CNTN4: variants seen among roughly 807,000 people sequenced by gnomAD.
CNTN4 encodes contactin 4.
In CNTN4, 77 loss-of-function variants were observed where a neutral mutation model predicts 122.5. The ratio of observed to expected loss-of-function variants is 0.63; its 90% CI spans 0.52 to 0.76. CNTN4 has a LOEUF of 0.76. Among genes scored for constraint, CNTN4 ranks in the 30% least tolerant of loss-of-function variants. The pLI is 0.00. For missense variants in CNTN4, 1,256 were observed against 1,259.1 expected (o/e 1.00, Z 0.04); for synonymous variants, 512 against 447.0 (o/e 1.15, Z -1.83).
Position 2,866,684 on chromosome 3 carries a change from C to T in CNTN4, c.455-68C>T. On this transcript the variant is annotated intron_variant, in intron 7 of 24. Transcript: ENST00000418658. The stretch of plus-strand genomic sequence containing the variant: ...GTATACATTTTTAACCTGATCATTT[C>T]TTTCATGAAAACAGTAGAGTTCCAG... 9.0e-6 allele frequency: 13 copies of T among 1,442,522 alleles called. No individual in the cohort carries two copies. The South Asian group carries it at 1.1e-4, about 13-fold the overall frequency. 89.4% of individuals were successfully genotyped at this position (1,442,522 alleles called of 1,614,324 possible).
chr3:2,809,093 A>G (rs1407767461), intron 6 of CNTN4, among the ~76,000 whole-genome samples: 1 of 152,208 alleles, frequency 6.6e-6, no homozygotes, highest in African/African-American at 2.4e-5. Context: ...GTGAGCTTTT[A>G]TTTGGGGAGG....
At chr3:2,673,018 GTTTCCAAAATAT>G (rs1375252976) in intron 4 of CNTN4, among the ~76,000 whole-genome samples, 1 of 152,114 alleles carries the variant, frequency 6.6e-6, no homozygotes. Context: ...CTACTTACCG[GTTTCCAAAATAT>G]TTTTGTACTT....
At chr3:2,924,399 G>T (rs1379118223) in intron 12 of CNTN4, among the ~76,000 whole-genome samples, 1 of 151,604 alleles carries the variant, frequency 6.6e-6, no homozygotes, top group African/African-American at 2.4e-5. Flanking sequence ...ATTCAACATG[G>T]TCTTAAATAT....
chr3:2,889,063 G>A (rs79871405), intron 10 of CNTN4, among the ~76,000 whole-genome samples: 2,350 of 151,542 alleles, frequency 0.016, 77 homozygotes, highest in African/African-American at 0.054. Flanking sequence ...AAGGAAGGAA[G>A]GAATAAAAGA....
intron 2 of CNTN4, among the ~76,000 whole-genome samples, chr3:2,224,743 C>G (rs1038689190): frequency 2.0e-5 from 3 of 152,174 alleles, no homozygotes; most frequent in Admixed American, 2.0e-4. Flanking sequence ...TAAAGTACAT[C>G]CTGTCAGCTC....
chr3:2,907,983 G>A (rs957709853), intron 12 of CNTN4, among the ~76,000 whole-genome samples: 3 of 152,148 alleles, frequency 2.0e-5, no homozygotes, highest in African/African-American at 7.2e-5. Flanking sequence ...ATGACAATTG[G>A]CAGTTTATTT....
intron 6 of CNTN4, among the ~76,000 whole-genome samples, chr3:2,769,191 C>T (rs186973750): frequency 1.1e-4 from 17 of 152,212 alleles, no homozygotes; most frequent in African/African-American, 2.9e-4. Flanking sequence ...TGGCCAGGCA[C>T]GGTGGCTCAC....
In CNTN4 at chr3:2,310,693, G is replaced by A. The variant is rs546922532; in HGVS notation, c.-144-28485G>A. Among the ~76,000 whole-genome samples the A allele has an allele frequency of 1.1e-3, 166 of 152,136 alleles. 2 individuals are homozygous for A. The highest frequency in any genetic ancestry group is 0.01 in the Middle Eastern group (3 of 294). Reference sequence around the variant, plus strand: ...ATATCGAGCACCTGTGAGACTTCAGGTGTTGTTTGATAGTTTAACTAAAAT... The same window carrying A: ...ATATCGAGCACCTGTGAGACTTCAGATGTTGTTTGATAGTTTAACTAAAAT... On this transcript the variant is annotated intron_variant, in intron 2 of 24. Coordinates refer to ENST00000418658, the MANE Select transcript of CNTN4 (RefSeq NM_175607.3).
At position 2,580,640 on chromosome 3, in the gene CNTN4, A is replaced by G. The variant is rs1247063110; in HGVS notation, c.55+9082A>G. Among the ~76,000 whole-genome samples, 7 of 152,286 alleles carry G rather than the reference A, an allele frequency of 4.6e-5. No homozygotes were observed. The South Asian group carries it at 8.3e-4, about 18-fold the overall frequency. ...GTTGGATGATGTAGCCCCACTTAAT[A>G]ATGACCTTAATTCATTTAGTCCTTG... is the stretch of plus-strand genomic sequence containing the variant. On this transcript the variant is annotated intron_variant, in intron 4 of 24. Transcript: ENST00000418658.
At position 2,745,513 on chromosome 3, in the gene CNTN4, A is replaced by G. The variant is rs1470160776; in HGVS notation, c.183-9A>G. ...CAAGACTTTATCTACTGGCATTTTT[A>G]TACTATAGGTGGAAGTTAAATGGAA... On this transcript the variant is annotated splice_polypyrimidine_tract_variant and intron_variant, in intron 5 of 24. Coordinates refer to ENST00000418658, the MANE Select transcript of CNTN4 (RefSeq NM_175607.3). 3 of 1,611,116 alleles carry G rather than the reference A, an allele frequency of 1.9e-6. No individual in the cohort carries two copies. The highest frequency in any genetic ancestry group is 1.7e-5 in the Admixed American group (1 of 60,018).
At chr3:2,798,137 G>C (rs151253069) in intron 6 of CNTN4, among the ~76,000 whole-genome samples, 1 of 146,882 alleles carries the variant, frequency 6.8e-6, no homozygotes, top group Non-Finnish European at 1.5e-5. Context: ...ATGTACACAC[G>C]TTTTAGCTCT....
intron 13 of CNTN4, among the ~76,000 whole-genome samples, chr3:2,939,211 T>A (rs1356288436): frequency 6.6e-6 from 1 of 152,194 alleles, no homozygotes; most frequent in South Asian, 2.1e-4. Flanking sequence ...TGTTTCTAAA[T>A]CCCTTTTGCC....
intron 2 of CNTN4, among the ~76,000 whole-genome samples, chr3:2,245,837 T>C (rs990067513): frequency 6.6e-6 from 1 of 152,106 alleles, no homozygotes; most frequent in Non-Finnish European, 1.5e-5. Flanking sequence ...TGTCTAGCTC[T>C]GCTGAAGTTT....
intron 3 of CNTN4, among the ~76,000 whole-genome samples, chr3:2,518,514 T>C (rs2077105081): frequency 6.6e-6 from 1 of 152,142 alleles, no homozygotes; most frequent in Admixed American, 6.6e-5. Context: ...ACAGTTCTTC[T>C]AATATATCTG....
chr3:2,486,099 C>T lies in CNTN4; in HGVS notation c.-88-85317C>T, dbSNP rs545829444. Among the ~76,000 whole-genome samples the T allele has an allele frequency of 1.2e-3, 185 of 152,174 alleles. 1 individual carries two copies. The highest frequency in any genetic ancestry group is 4.4e-3 in the African/African-American group (182 of 41,500). On this transcript the variant is annotated intron_variant, in intron 3 of 24. Coordinates refer to ENST00000418658, the MANE Select transcript of CNTN4 (RefSeq NM_175607.3). ...TTCTCTCCTGAGGCCAGCCAGACCA[C>T]GAACCCACTGGGAGGAACAACAACT...
intron 6 of CNTN4, among the ~76,000 whole-genome samples, chr3:2,748,803 A>G (rs2089937547): frequency 6.6e-6 from 1 of 152,204 alleles, no homozygotes; most frequent in African/African-American, 2.4e-5. Flanking sequence ...GTAATCTTTT[A>G]AAAAATGTAA....
At chr3:2,791,558 G>C (rs1383276968) in intron 6 of CNTN4, among the ~76,000 whole-genome samples, 1 of 151,700 alleles carries the variant, frequency 6.6e-6, no homozygotes, top group African/African-American at 2.4e-5. Context: ...TTTAGAAACT[G>C]AGCTCTATAC....
At position 3,056,209 on chromosome 3, in the gene CNTN4, T is replaced by A. The variant is rs1201512711; in HGVS notation, c.3070T>A (p.Ser1024Thr). The change falls in exon 25 of 25, where the codon TCC (serine) becomes ACC (threonine). Residue 1024 changes from serine (S) to threonine (T), a missense_variant. Ser to Thr is a moderately conservative substitution (Grantham distance 58, BLOSUM62 1). Coordinates refer to ENST00000418658, the MANE Select transcript of CNTN4 (RefSeq NM_175607.3). ...AATAATGATTTCCCTCACAGCTAGG[T>A]CCAGTTTATGACAAAAGTTATCTGA... is the stretch of plus-strand genomic sequence containing the variant. ...STIMISLTAR[S>T]SL 4 of 1,613,464 alleles carry A rather than the reference T, an allele frequency of 2.5e-6. No individual in the cohort carries two copies. Among genetic ancestry groups the A allele is most frequent in the South Asian group, 2.2e-5 (2 of 91,068 alleles).
chr3:2,429,123 G>A (rs1175029201), intron 3 of CNTN4, among the ~76,000 whole-genome samples: 3 of 152,150 alleles, frequency 2.0e-5, no homozygotes, highest in African/African-American at 7.2e-5. Context: ...CATTGCTGGC[G>A]AGGAGCTGCA....
Sources: allele counts gnomAD v4.1 joint callset (sites outside exome capture counted in the v4.1 genomes callset), GRCh38; gene constraint gnomAD v4.1.1; transcripts MANE v1.5; gene names NCBI Gene and HGNC (gene_info 2026-07-23, HGNC 2026-07-21).